CCSER1: variants seen among roughly 807,000 people sequenced by gnomAD.
CCSER1 encodes coiled-coil serine rich protein 1, also known as serine-rich coiled-coil domain-containing protein 1.
A neutral mutation model predicts 82.0 loss-of-function variants in CCSER1; 41 were observed. The observed-to-expected ratio is 0.50, with a 90% CI of 0.39 to 0.65. The LOEUF is 0.65. Ranked by LOEUF, CCSER1 falls within the 30% of genes least tolerant of loss-of-function variation. The pLI is 0.00. For synonymous variants in CCSER1, 414 were observed against 383.9 expected, an observed-to-expected ratio of 1.08 and a Z score of -0.92; for missense variants, 1,119 against 1,064.2, an observed-to-expected ratio of 1.05 and a Z score of -0.72.
chr4:90,519,684 T>C (rs902565470), intron 5 of CCSER1, among the ~76,000 whole-genome samples: 2 of 152,036 alleles, frequency 1.3e-5, no homozygotes, highest in African/African-American at 4.8e-5. Context: ...TAATACTTAC[T>C]TTTGGTTTTG....
intron 1 of CCSER1, among the ~76,000 whole-genome samples, chr4:90,241,534 A>G (rs1746836231): frequency 6.6e-6 from 1 of 152,224 alleles, no homozygotes; most frequent in Non-Finnish European, 1.5e-5. Flanking sequence ...CCTAGCAGCC[A>G]GAACACTTTT....
At chr4:90,248,886 G>A (rs1411178564) in intron 1 of CCSER1, among the ~76,000 whole-genome samples, 1 of 151,652 alleles carries the variant, frequency 6.6e-6, no homozygotes, top group Non-Finnish European at 1.5e-5. Context: ...TTTTTGTAGA[G>A]ACAGGGTTTC....
intron 10 of CCSER1, among the ~76,000 whole-genome samples, chr4:91,151,417 C>T (rs1248477545): frequency 6.6e-6 from 1 of 152,024 alleles, no homozygotes; most frequent in African/African-American, 2.4e-5. Flanking sequence ...TTTCAAAAAA[C>T]CAGCTCCTGG....
intron 8 of CCSER1, among the ~76,000 whole-genome samples, chr4:90,904,442 A>G (rs1725140699): frequency 6.6e-6 from 1 of 152,140 alleles, no homozygotes; most frequent in Non-Finnish European, 1.5e-5. Context: ...TTTTGACTTA[A>G]GTACCACAAA....
intron 9 of CCSER1, among the ~76,000 whole-genome samples, chr4:91,000,592 AT>A (rs969608672): frequency 2.0e-5 from 3 of 151,732 alleles, no homozygotes; most frequent in East Asian, 1.9e-4. Context: ...GTCATCTATG[AT>A]TTTTTTTAGC....
At chr4:90,761,611 A>G (rs1041625012) in intron 7 of CCSER1, among the ~76,000 whole-genome samples, 40 of 152,294 alleles carry the variant, frequency 2.6e-4, no homozygotes, top group African/African-American at 9.6e-4. Context: ...ACAGCAATGC[A>G]CTGATTTAGT....
At chr4:90,809,477 C>A (rs1210029934) in intron 7 of CCSER1, among the ~76,000 whole-genome samples, 2 of 152,068 alleles carry the variant, frequency 1.3e-5, no homozygotes, top group Non-Finnish European at 2.9e-5. Context: ...TAAGTGGGAG[C>A]TAAGCTGTGG....
At chr4:90,153,345 T>C (rs1269676658) in intron 1 of CCSER1, among the ~76,000 whole-genome samples, 1 of 152,266 alleles carries the variant, frequency 6.6e-6, no homozygotes, top group Non-Finnish European at 1.5e-5. Flanking sequence ...GCAATAAACA[T>C]ACATGTGCAT....
chr4:91,569,670 G>C (rs1423301379), intron 10 of CCSER1, among the ~76,000 whole-genome samples: 1 of 151,976 alleles, frequency 6.6e-6, no homozygotes, highest in African/African-American at 2.4e-5. Flanking sequence ...GAACAGCATG[G>C]GGGTAACTGC....
At chr4:90,691,961 G>C (rs944921657) in intron 6 of CCSER1, among the ~76,000 whole-genome samples, 2 of 147,880 alleles carry the variant, frequency 1.4e-5, no homozygotes, top group African/African-American at 2.5e-5. Context: ...TGTTCTGGAA[G>C]AACACACCAA....
At chr4:91,197,617 G>A (rs932049256) in intron 10 of CCSER1, among the ~76,000 whole-genome samples, 5 of 152,170 alleles carry the variant, frequency 3.3e-5, no homozygotes, top group Non-Finnish European at 1.5e-5. Flanking sequence ...CTGTTGAATT[G>A]TATAAGATGT....
chr4:90,901,516 G>T (rs962970071), intron 8 of CCSER1, among the ~76,000 whole-genome samples: 4 of 152,014 alleles, frequency 2.6e-5, no homozygotes, highest in African/African-American at 9.7e-5. Flanking sequence ...GTCTATGAAA[G>T]ACATCGTTAT....
chr4:91,460,154 T>A (rs936268678), intron 10 of CCSER1, among the ~76,000 whole-genome samples: 1 of 152,162 alleles, frequency 6.6e-6, no homozygotes, highest in African/African-American at 2.4e-5. Context: ...AATCAGTAAT[T>A]TGTCTTTAAT....
intron 7 of CCSER1, among the ~76,000 whole-genome samples, chr4:90,814,118 G>T (rs2149756846): frequency 6.6e-6 from 1 of 152,288 alleles, no homozygotes; most frequent in Admixed American, 6.5e-5. Context: ...AGCCACCAAT[G>T]CTTGGGGCTT....
intron 10 of CCSER1, among the ~76,000 whole-genome samples, chr4:91,337,871 C>T (rs949069398): frequency 2.0e-5 from 3 of 152,140 alleles, no homozygotes; most frequent in East Asian, 1.9e-4. Context: ...AAGATCTTAT[C>T]ACGTTTAAGT....
chr4:90,467,480 T>C (rs1185668713), intron 4 of CCSER1, among the ~76,000 whole-genome samples: 1 of 151,896 alleles, frequency 6.6e-6, no homozygotes, highest in Admixed American at 6.6e-5. Context: ...GGTCAGGAGT[T>C]CAAGACCAGC....
intron 4 of CCSER1, among the ~76,000 whole-genome samples, chr4:90,455,811 A>G (rs28595890): frequency 0.019 from 2,945 of 152,222 alleles, 86 homozygotes; most frequent in African/African-American, 0.067. Flanking sequence ...GATGACCTCC[A>G]TCCACGATGC....
At chr4:90,148,570 T>C (rs189223302) in intron 1 of CCSER1, among the ~76,000 whole-genome samples, 1 of 152,276 alleles carries the variant, frequency 6.6e-6, no homozygotes, top group East Asian at 1.9e-4. Context: ...ATCAGAGAGA[T>C]AGGAATTTAC....
intron 9 of CCSER1, among the ~76,000 whole-genome samples, chr4:90,993,153 A>G (rs897229990): frequency 6.6e-6 from 1 of 152,152 alleles, no homozygotes; most frequent in East Asian, 1.9e-4. Context: ...TGTTAATCCA[A>G]ATAGTCAACT....
Sources: gnomAD v4.1 joint callset for allele counts (sites outside exome capture counted in the v4.1 genomes callset) on GRCh38, gnomAD v4.1.1 for gene constraint, MANE v1.5 for transcripts, NCBI Gene and HGNC (gene_info 2026-07-23, HGNC 2026-07-21) for gene names.